XRCC5: variants seen among roughly 807,000 people sequenced by gnomAD.
The protein encoded by XRCC5 is DNA repair protein Ku80.
In XRCC5, 12 loss-of-function variants were observed where a neutral mutation model predicts 95.7. The ratio of observed to expected loss-of-function variants is 0.13; its 90% CI spans 0.08 to 0.20. XRCC5 has a LOEUF of 0.20. XRCC5 is among the 10% of genes least tolerant of loss of function. XRCC5 has a pLI of 1.00. For synonymous variants in XRCC5, 281 were observed against 290.3 expected, an observed-to-expected ratio of 0.97 and a Z score of 0.33; for missense variants, 595 against 873.9, an observed-to-expected ratio of 0.68 and a Z score of 4.02.
intron 16 of XRCC5, among the ~76,000 whole-genome samples, chr2:216,169,009 T>C (rs919652546): frequency 6.6e-6 from 1 of 152,246 alleles, no homozygotes; most frequent in Non-Finnish European, 1.5e-5. Flanking sequence ...TAGGGTCACA[T>C]ATCTGAAACC....
At chr2:216,175,931 G>A (rs1049894810) in intron 16 of XRCC5, 7 of 384,368 alleles carry the variant, frequency 1.8e-5, no homozygotes, top group South Asian at 1.1e-4. Context: ...TCTCAGCCGC[G>A]CTGGATTCCT....
chr2:216,154,569 CTGAG>C (rs1309242232), intron 14 of XRCC5, among the ~76,000 whole-genome samples: 1 of 152,132 alleles, frequency 6.6e-6, no homozygotes, highest in African/African-American at 2.4e-5. Flanking sequence ...ATGCTGCTAC[CTGAG>C]TGAGTTTAAA....
intron 14 of XRCC5, among the ~76,000 whole-genome samples, chr2:216,149,211 T>C (rs2106019797): frequency 6.6e-6 from 1 of 152,340 alleles, no homozygotes; most frequent in Non-Finnish European, 1.5e-5. Flanking sequence ...AAATCATTGA[T>C]TTAGAGAATT....
intron 10 of XRCC5, among the ~76,000 whole-genome samples, chr2:216,135,217 CAGAG>C (rs145660096): frequency 6.7e-6 from 1 of 149,436 alleles, no homozygotes; most frequent in South Asian, 2.1e-4. Flanking sequence ...GGAGTTTCTG[CAGAG>C]AGAGAGAGAG....
At chr2:216,197,884 CTT>C (rs1171653072) in intron 19 of XRCC5, among the ~76,000 whole-genome samples, 1 of 152,174 alleles carries the variant, frequency 6.6e-6, no homozygotes, top group Non-Finnish European at 1.5e-5. Flanking sequence ...TTAGATAACA[CTT>C]TGACTGCTAA....
chr2:216,198,564 TATTTATTTA>T (rs1431738025), intron 19 of XRCC5, among the ~76,000 whole-genome samples: 2 of 144,606 alleles, frequency 1.4e-5, no homozygotes, highest in African/African-American at 2.5e-5. Context: ...TTTATTTATT[TATTTATTTA>T]GAGACAGAGT....
Position 216,190,234 on chromosome 2 carries a change from A to G in XRCC5, c.1844A>G (p.Gln615Arg). Residue 615 changes from glutamine to arginine, a missense_variant, in exon 17 of 21, where the codon CAG becomes CGG. This residue lies in a region of XRCC5 where 309 missense variants were observed against 382.9 expected (regional missense o/e 0.81). Coordinates refer to ENST00000392132, the MANE Select transcript of XRCC5 (RefSeq NM_021141.4). ...KKASFEEASN[Q>R]LINHIEQFLD... ...TTGTCTTATGTTTTAGCGAGTAACC[A>G]GCTCATAAATCACATCGAACAGTTT... 4 of 1,613,758 alleles carry G rather than the reference A, an allele frequency of 2.5e-6. No homozygotes were observed. Among genetic ancestry groups the G allele is most frequent in the Non-Finnish European group, 3.4e-6 (4 of 1,179,880 alleles).
intron 14 of XRCC5, among the ~76,000 whole-genome samples, chr2:216,158,152 C>G (rs562310995): frequency 6.6e-6 from 1 of 152,244 alleles, no homozygotes; most frequent in African/African-American, 2.4e-5. Context: ...ACTTCATATT[C>G]CCCCACAACT....
chr2:216,161,051 C>T (rs927659724), intron 15 of XRCC5, among the ~76,000 whole-genome samples: 3 of 151,998 alleles, frequency 2.0e-5, no homozygotes, highest in African/African-American at 4.8e-5. Context: ...AAAAATTGGC[C>T]GATAACTTTT....
chr2:216,183,986 T>G lies in XRCC5; in HGVS notation c.1835-6239T>G, dbSNP rs748133512. On this transcript the variant is annotated intron_variant, in intron 16 of 20. Transcript: ENST00000392132. Reference sequence around the variant, plus strand: ...AGAGCACTCTTCAGTCCGAACTCTTTTAGAAGTGGAAGCAGAAAGAAGGGT... The same window carrying G: ...AGAGCACTCTTCAGTCCGAACTCTTGTAGAAGTGGAAGCAGAAAGAAGGGT... 2.0e-5 allele frequency among the ~76,000 whole-genome samples: 3 copies of G among 151,568 alleles called. No homozygotes were observed. In the South Asian group the frequency reaches 6.2e-4, roughly 32 times the overall value.
intron 16 of XRCC5, chr2:216,175,310 C>A: frequency 2.2e-6 from 1 of 452,734 alleles, no homozygotes; most frequent in South Asian, 1.7e-5. Flanking sequence ...GCCTCCTCTT[C>A]CACCAAAGTT....
Position 216,134,056 on chromosome 2 carries a change from T to A in XRCC5, c.1113+1669T>A, listed in dbSNP as rs12470788. Among the ~76,000 whole-genome samples, 655 of 152,336 alleles carry A rather than the reference T, an allele frequency of 4.3e-3. 3 individuals are homozygous for A. The highest frequency in any genetic ancestry group is 0.015 in the African/African-American group (633 of 41,574). ...GAAGAATTATTTTGTCAACAAGGATTACTGTCCCCACTGGATTGTTTTCTT... is the reference window on the plus strand; with the variant it reads ...GAAGAATTATTTTGTCAACAAGGATAACTGTCCCCACTGGATTGTTTTCTT... On this transcript the variant is annotated intron_variant, in intron 10 of 20. Transcript: ENST00000392132.
At chr2:216,112,338 C>T (rs946480141) in intron 1 of XRCC5, among the ~76,000 whole-genome samples, 16 of 152,232 alleles carry the variant, frequency 1.1e-4, no homozygotes, top group Non-Finnish European at 1.0e-4. Context: ...TGCCCCTTCA[C>T]CGCTCTGGTA....
chr2:216,180,236 G>A (rs1689358193), intron 16 of XRCC5, among the ~76,000 whole-genome samples: 1 of 152,216 alleles, frequency 6.6e-6, no homozygotes, highest in African/African-American at 2.4e-5. Context: ...GGTGGAAGGG[G>A]TAACTTAGAT....
In XRCC5 at chr2:216,158,428, C is replaced by T. The variant is rs144720687; in HGVS notation, c.1671-1640C>T. 2.5e-4 allele frequency among the ~76,000 whole-genome samples: 38 copies of T among 152,276 alleles called. No individual in the cohort carries two copies. In the East Asian group the frequency reaches 6.0e-3, roughly 24 times the overall value. On this transcript the variant is annotated intron_variant, in intron 14 of 20. Coordinates refer to ENST00000392132, the MANE Select transcript of XRCC5 (RefSeq NM_021141.4). ...TAGAATCCAGGTCTTTTGACTCCAACTCTTCAGTAGTTTAATGTTGTTGGC... is the reference window on the plus strand; with the variant it reads ...TAGAATCCAGGTCTTTTGACTCCAATTCTTCAGTAGTTTAATGTTGTTGGC...
At chr2:216,154,163 A>C (rs1443084716) in intron 14 of XRCC5, among the ~76,000 whole-genome samples, 1 of 152,188 alleles carries the variant, frequency 6.6e-6, no homozygotes, top group East Asian at 1.9e-4. Context: ...TTCCCCTTAA[A>C]AGCAGTTGAA....
chr2:216,141,540 CTTTTTTTTTTTTT>C (rs71401137), intron 13 of XRCC5, among the ~76,000 whole-genome samples: 2 of 64,982 alleles, frequency 3.1e-5, no homozygotes, highest in East Asian at 5.0e-4. Flanking sequence ...TCTTTCTTTT[CTTTTTTTTTTTTT>C]TTTTTTTTTT....
intron 6 of XRCC5, among the ~76,000 whole-genome samples, chr2:216,123,610 A>G (rs745731824): frequency 5.3e-5 from 8 of 152,224 alleles, no homozygotes; most frequent in Non-Finnish European, 1.2e-4. Context: ...GTTCGAGACC[A>G]GCCCAGCCAG....
chr2:216,183,836 T>C (rs1689438247), intron 16 of XRCC5, among the ~76,000 whole-genome samples: 1 of 152,212 alleles, frequency 6.6e-6, no homozygotes, highest in South Asian at 2.1e-4. Context: ...ATTTTCAGGT[T>C]ACTCAAGCTT....
Sources: gnomAD v4.1 joint callset for allele counts (sites outside exome capture counted in the v4.1 genomes callset) on GRCh38, gnomAD v4.1.1 for gene constraint, gnomAD v4.1.1 regional missense constraint, MANE v1.5 for transcripts, NCBI Gene and HGNC (gene_info 2026-07-23, HGNC 2026-07-21) for gene names.